The following CYP4F22 variants were observed in gnomAD, a reference collection of about 807,000 sequenced individuals.
The protein encoded by CYP4F22 is cytochrome P450 family 4 subfamily F member 22.
In CYP4F22, 37 loss-of-function variants were observed where a neutral mutation model predicts 60.4. The observed-to-expected ratio is 0.61, with a 90% CI of 0.47 to 0.81. CYP4F22 has a LOEUF of 0.81. Ranked by LOEUF, CYP4F22 falls within the 30% of genes least tolerant of loss-of-function variation. CYP4F22 has a pLI of 0.00. For synonymous variants in CYP4F22, 258 were observed against 280.5 expected, an observed-to-expected ratio of 0.92 and a Z score of 0.80; for missense variants, 655 against 715.0, an observed-to-expected ratio of 0.92 and a Z score of 0.96.
Position 15,551,556 on chromosome 19 carries a change from G to C in CYP4F22, c.*85G>C, listed in dbSNP as rs1275127479. ...TCGCCCCAAAGATCCCGAGGGCATA[G>C]GCCACCCCCCTCGAAGTTCAGGTTC... On this transcript the variant is annotated 3_prime_UTR_variant, in exon 14 of 14. Coordinates refer to ENST00000269703, the MANE Select transcript of CYP4F22 (RefSeq NM_173483.4). 4.1e-6 allele frequency: 6 copies of C among 1,468,808 alleles called. No individual in the cohort carries two copies. Among genetic ancestry groups the C allele is most frequent in the East Asian group, 2.5e-5 (1 of 40,268 alleles). The allele number at this position is 1,468,808 out of a possible 1,614,324, so 91.0% of individuals were successfully genotyped here.
chr19:15,546,382 A>G (rs976303433), intron 10 of CYP4F22, among the ~76,000 whole-genome samples: 4 of 152,192 alleles, frequency 2.6e-5, no homozygotes, highest in Non-Finnish European at 4.4e-5. Context: ...CCAGAAATTC[A>G]AGACCAACCT....
chr19:15,520,353 A>G (rs1437538144), intron 1 of CYP4F22, among the ~76,000 whole-genome samples: 1 of 149,706 alleles, frequency 6.7e-6, no homozygotes, highest in African/African-American at 2.4e-5. Flanking sequence ...CTCAAAAAAA[A>G]AAAAAAAACA....
intron 1 of CYP4F22, among the ~76,000 whole-genome samples, chr19:15,514,391 A>C (rs1568352702): frequency 6.6e-6 from 1 of 152,202 alleles, no homozygotes; most frequent in Admixed American, 6.5e-5. Context: ...CTCAAATGAA[A>C]ATTTTATATA....
Position 15,509,962 on chromosome 19 carries a change from C to CTCTCTT in CYP4F22, c.-109+1382_-109+1383insCTTTCT, listed in dbSNP as rs1555726015. On this transcript the variant is annotated intron_variant, in intron 1 of 13. Transcript: ENST00000269703. ...CTTTCTTTCTTTTCTCTGTCTCTCT[C>CTCTCTT]TCTTTCTTTCTTTCTTTCTTTTTTT... Among the ~76,000 whole-genome samples the CTCTCTT allele has an allele frequency of 2.1e-4, 21 of 99,644 alleles. No homozygotes were observed. The East Asian group carries it at 3.5e-3, about 17-fold the overall frequency. The allele number at this position is 99,644 out of a possible 152,430, so 65.4% of individuals were successfully genotyped here.
At chr19:15,550,800 C>T in intron 13 of CYP4F22, 44 bp downstream of exon 13, 2 of 1,604,632 alleles carry the variant, frequency 1.2e-6, no homozygotes, top group South Asian at 1.1e-5. Context: ...TGTGTAGGAA[C>T]AGAGGCAGGG....
intron 1 of CYP4F22, among the ~76,000 whole-genome samples, chr19:15,514,480 G>A (rs1207218874): frequency 6.6e-6 from 1 of 152,158 alleles, no homozygotes; most frequent in Non-Finnish European, 1.5e-5. Context: ...GAGGTCAGGA[G>A]TTCAAGACCA....
At chr19:15,520,278 G>C (rs982301982) in intron 1 of CYP4F22, among the ~76,000 whole-genome samples, 1 of 150,660 alleles carries the variant, frequency 6.6e-6, no homozygotes, top group African/African-American at 2.4e-5. Context: ...CCCGGGAGGA[G>C]GAGCTTGCAG....
rs956883079 is a variant in CYP4F22, at chr19:15,525,266, A to G, written c.-1-70A>G. ...GCTGGGAACCTTCTGTGCACTAGGC[A>G]CACCATGCATTACCCCATGGGTCAT... On this transcript the variant is annotated intron_variant, in intron 2 of 13. Transcript: ENST00000269703. 10 of 1,474,418 alleles carry G rather than the reference A, an allele frequency of 6.8e-6. No homozygotes were observed. The Admixed American group carries it at 1.6e-4, about 24-fold the overall frequency. 91.3% of individuals were successfully genotyped at this position (1,474,418 alleles called of 1,614,324 possible).
chr19:15,521,621 G>A (rs1971226594), intron 1 of CYP4F22, among the ~76,000 whole-genome samples: 1 of 152,034 alleles, frequency 6.6e-6, no homozygotes, highest in Admixed American at 6.6e-5. Flanking sequence ...ATTCTTTGGG[G>A]GTATATCCCC....
rs34585637 is a variant in CYP4F22 at position 15,533,591 on chromosome 19, C to CTTTTTTT, written c.367+3754_368-3748dup. 5.2e-4 allele frequency among the ~76,000 whole-genome samples: 48 copies of CTTTTTTT among 91,456 alleles called. 1 individual carries two copies. Among genetic ancestry groups the CTTTTTTT allele is most frequent in the African/African-American group, 1.3e-3 (28 of 22,240 alleles). 60.0% of individuals were successfully genotyped at this position (91,456 alleles called of 152,430 possible). On this transcript the variant is annotated intron_variant, in intron 4 of 13. Coordinates refer to ENST00000269703, the MANE Select transcript of CYP4F22 (RefSeq NM_173483.4). ...CGTTGTAGTAGGAATCAGTTTCATT[C>CTTTTTTT]TTTTTTTTTTTTTTTTTTTTTTGAG...
chr19:15,543,648 C>T (rs751095557), intron 8 of CYP4F22, among the ~76,000 whole-genome samples: 23 of 151,924 alleles, frequency 1.5e-4, no homozygotes, highest in Non-Finnish European at 2.9e-4. Flanking sequence ...CTTGAGGCCA[C>T]GAGTTCGAGA....
intron 1 of CYP4F22, among the ~76,000 whole-genome samples, chr19:15,510,562 T>C (rs552979259): frequency 2.0e-5 from 3 of 152,258 alleles, no homozygotes; most frequent in Admixed American, 2.0e-4. Context: ...TGTCCAGGTG[T>C]GGCCACACTT....
At position 15,541,080 on chromosome 19, in the gene CYP4F22, TCAAAACAAAA is replaced by T. The variant is rs1189295393; in HGVS notation, c.939+372_939+381del. On this transcript the variant is annotated intron_variant, in intron 8 of 13. Transcript: ENST00000269703. ...TGGGCAACAGAAGCGAGACTCTGTC[TCAAAACAAAA>T]CAAAACAATACACATGCTCAAAACA... Among the ~76,000 whole-genome samples, 16 of 152,300 alleles carry T rather than the reference TCAAAACAAAA, an allele frequency of 1.1e-4. No homozygotes were observed. In the South Asian group the frequency reaches 3.3e-3, roughly 32 times the overall value.
rs1971605905 is a variant in CYP4F22, at chr19:15,552,020, G to GC, written c.*550dup. On this transcript the variant is annotated 3_prime_UTR_variant, in exon 14 of 14. Transcript: ENST00000269703. ...CAGCTCATACGGGCAGACTGCTCAG[G>GC]CGTGAGGCTGGATCGTAGGGTTCGA... 1 of 157,810 alleles carries GC rather than the reference G, an allele frequency of 6.3e-6. No homozygotes were observed. Among genetic ancestry groups the GC allele is most frequent in the South Asian group, 1.8e-4 (1 of 5,454 alleles). The allele number at this position is 157,810 out of a possible 1,614,324, so 9.8% of individuals were successfully genotyped here.
rs1277923491 is a variant in CYP4F22 at position 15,537,868 on chromosome 19, C to T, written c.550-4C>T. ...TGCACAGTCACCATGTATCTCTCTT[C>T]CAGGCTAAATGGCGGCATCTGGCAG... On this transcript the variant is annotated splice_region_variant and splice_polypyrimidine_tract_variant and intron_variant, in intron 6 of 13. Coordinates refer to ENST00000269703, the MANE Select transcript of CYP4F22 (RefSeq NM_173483.4). 1 of 1,613,682 alleles carries T rather than the reference C, an allele frequency of 6.2e-7. No homozygotes were observed. The highest frequency in any genetic ancestry group is 2.2e-5 in the East Asian group (1 of 44,888).
rs1478536308 is a variant in CYP4F22 at position 15,537,962 on chromosome 19, T to C, written c.640T>C (p.Cys214Arg). The C allele has an allele frequency of 6.2e-7, 1 of 1,614,082 alleles. No homozygotes were observed. Among genetic ancestry groups the C allele is most frequent in the Non-Finnish European group, 8.5e-7 (1 of 1,180,004 alleles). ...CATGACCCTGGACAGTCTTCAGAAATGTGTCTTCAGCTACAACAGCAACTG... is the reference window on the plus strand; with the variant it reads ...CATGACCCTGGACAGTCTTCAGAAACGTGTCTTCAGCTACAACAGCAACTG... ...SLMTLDSLQK[C>R]VFSYNSNCQE... Residue 214 changes from cysteine to arginine, a missense_variant, in exon 7 of 14, where the codon TGT becomes CGT. By Grantham distance (180) the Cys-to-Arg change is radical. Transcript: ENST00000269703.
At chr19:15,518,416 G>A (rs1375327755) in intron 1 of CYP4F22, among the ~76,000 whole-genome samples, 2 of 151,318 alleles carry the variant, frequency 1.3e-5, no homozygotes, top group East Asian at 1.9e-4. Context: ...CGAGGCGGGC[G>A]GAACACGAGG....
chr19:15,540,537 C>T lies in CYP4F22; in HGVS notation c.759C>T (p.Phe253=). 2 of 1,614,210 alleles carry T rather than the reference C, an allele frequency of 1.2e-6. No individual in the cohort carries two copies. Among genetic ancestry groups the T allele is most frequent in the Non-Finnish European group, 1.7e-6 (2 of 1,180,048 alleles). The change falls in exon 8 of 14, where the codon TTC becomes TTT. Residue 253 remains phenylalanine (F), a synonymous_variant. Coordinates refer to ENST00000269703, the MANE Select transcript of CYP4F22 (RefSeq NM_173483.4). ...RQYRLHHYLD[F]IYYRSADGRR... is the part of the protein sequence containing the mutation. ...ATCGCTTGCACCACTACCTCGACTT[C>T]ATTTACTACCGCTCGGCGGATGGGC...
chr19:15,534,467 CT>C (rs111577247), intron 4 of CYP4F22, among the ~76,000 whole-genome samples: 44 of 147,448 alleles, frequency 3.0e-4, no homozygotes, highest in South Asian at 2.4e-3. Flanking sequence ...ATCTCTCCCT[CT>C]TTTTTTTTTT....
Sources: allele counts gnomAD v4.1 joint callset (sites outside exome capture counted in the v4.1 genomes callset), GRCh38; gene constraint gnomAD v4.1.1; transcripts MANE v1.5; gene names NCBI Gene and HGNC (gene_info 2026-07-23, HGNC 2026-07-21).